The following PMP22 variants were observed in gnomAD, a reference collection of about 807,000 sequenced individuals.
PMP22 encodes Charcot-Marie-Tooth neuropathy 1A (greatly reduced nerve conduction velocity, hereditary motor sensory neuropathy Ia).
PMP22 carries 2 observed loss-of-function variants against 18.9 expected under a neutral mutation model. That is an observed-to-expected ratio of 0.11 (90% CI 0.04 to 0.33). The LOEUF (loss-of-function observed/expected upper bound fraction) is 0.33. Ranked by LOEUF, PMP22 falls within the 10% of genes least tolerant of loss-of-function variation. The pLI, the probability that PMP22 is intolerant of heterozygous loss-of-function variation, is 1.00. For synonymous variants in PMP22, 95 were observed against 89.2 expected, an observed-to-expected ratio of 1.07 and a Z score of -0.37; for missense variants, 169 against 202.2, an observed-to-expected ratio of 0.84 and a Z score of 1.00.
chr17:15,234,816 T>G (rs1382889144), intron 4 of PMP22, among the ~76,000 whole-genome samples: 1 of 151,946 alleles, frequency 6.6e-6, no homozygotes, highest in Non-Finnish European at 1.5e-5. Context: ...CAAATTCTTT[T>G]TTTTTTTTTC....
At chr17:15,233,350 C>G (rs77313591) in intron 4 of PMP22, among the ~76,000 whole-genome samples, 3,121 of 152,344 alleles carry the variant, frequency 0.02, 135 homozygotes, top group African/African-American at 0.07. Flanking sequence ...CAGAAGGACA[C>G]TGACCCTGTC....
intron 3 of PMP22, among the ~76,000 whole-genome samples, chr17:15,246,994 C>T (rs990887440): frequency 2.7e-5 from 4 of 149,464 alleles, no homozygotes; most frequent in Non-Finnish European, 5.9e-5. Flanking sequence ...CACTTGAACC[C>T]GGAAGGCGGA....
At chr17:15,232,096 T>A (rs1478218874) in intron 4 of PMP22, among the ~76,000 whole-genome samples, 1 of 151,930 alleles carries the variant, frequency 6.6e-6, no homozygotes, top group Non-Finnish European at 1.5e-5. Context: ...CGTGTGGGAT[T>A]CATGCAGTTC....
intron 3 of PMP22, among the ~76,000 whole-genome samples, chr17:15,254,722 C>A (rs1320757276): frequency 4.6e-5 from 7 of 152,120 alleles, no homozygotes; most frequent in Non-Finnish European, 1.0e-4. Context: ...CTTTGGGAGG[C>A]TGAGGCAGGT....
intron 4 of PMP22, among the ~76,000 whole-genome samples, 158 bp from the exon 5 acceptor site, chr17:15,231,238 A>C (rs2150665162): frequency 6.6e-6 from 1 of 152,344 alleles, no homozygotes. Flanking sequence ...AGGTAGCACA[A>C]AAATATGGGA....
intron 3 of PMP22, among the ~76,000 whole-genome samples, chr17:15,239,934 A>G (rs1048747983): frequency 6.6e-6 from 1 of 152,250 alleles, no homozygotes; most frequent in Non-Finnish European, 1.5e-5. Context: ...ATATGCATAC[A>G]AATATGTACG....
At position 15,259,211 on chromosome 17, in the gene PMP22, G is replaced by A. The variant is rs769908557; in HGVS notation, c.79-18C>T. ...ATCCATTGCTAGAGAGAATCAGATA[G>A]ATATCCTGAGTCAGGGAGGGAGGGA... is the stretch of plus-strand genomic sequence containing the variant. On this transcript the variant is annotated intron_variant, in intron 2 of 4. Transcript: ENST00000312280. 2.5e-6 allele frequency: 4 copies of A among 1,583,146 alleles called. No homozygotes were observed. Among genetic ancestry groups the A allele is most frequent in the Non-Finnish European group, 3.5e-6 (4 of 1,151,850 alleles).
chr17:15,256,216 A>G (rs1239669627), intron 3 of PMP22, among the ~76,000 whole-genome samples: 1 of 152,232 alleles, frequency 6.6e-6, no homozygotes, highest in Non-Finnish European at 1.5e-5. Flanking sequence ...CAAACTACAC[A>G]ACCTAGATGT....
In PMP22 at chr17:15,255,987, G is replaced by A. The variant is rs188700132; in HGVS notation, c.178+3107C>T. Among the ~76,000 whole-genome samples, 4 of 152,262 alleles carry A rather than the reference G, an allele frequency of 2.6e-5. No individual in the cohort carries two copies. In the East Asian group the frequency reaches 7.7e-4, roughly 29 times the overall value. On this transcript the variant is annotated intron_variant, in intron 3 of 4. Transcript: ENST00000312280. ...CATTCCAGATCCTTGTATTCCCTGG[G>A]CCGGAGAGGCACTGGATACAATATC... is the stretch of plus-strand genomic sequence containing the variant.
At chr17:15,231,732 G>T (rs1906371735) in intron 4 of PMP22, among the ~76,000 whole-genome samples, 2 of 152,204 alleles carry the variant, frequency 1.3e-5, no homozygotes. Flanking sequence ...ACGCTGCAGA[G>T]GGGGAAGATG....
chr17:15,231,229 G>A (rs1906321816), intron 4 of PMP22, 149 bp from the exon 5 acceptor site: 2 of 806,828 alleles, frequency 2.5e-6, no homozygotes, highest in East Asian at 2.7e-5. Flanking sequence ...ATTGAAAGGA[G>A]GTAGCACAAA....
chr17:15,255,918 C>G (rs2150702718), intron 3 of PMP22, among the ~76,000 whole-genome samples: 2 of 152,254 alleles, frequency 1.3e-5, no homozygotes, highest in East Asian at 1.9e-4. Flanking sequence ...TATCTATCTC[C>G]TGACTCTTCG....
chr17:15,257,266 A>C (rs1908917516), intron 3 of PMP22, among the ~76,000 whole-genome samples: 1 of 152,198 alleles, frequency 6.6e-6, no homozygotes, highest in African/African-American at 2.4e-5. Context: ...GAAGACACCA[A>C]ATGTCAATCT....
intron 3 of PMP22, among the ~76,000 whole-genome samples, chr17:15,244,667 G>A (rs568575971): frequency 1.1e-4 from 17 of 152,284 alleles, no homozygotes; most frequent in African/African-American, 3.6e-4. Context: ...AATGAAAAGA[G>A]TAAGGTGCAC....
At chr17:15,242,251 CAAAAAAAAAAA>C (rs59075019) in intron 3 of PMP22, among the ~76,000 whole-genome samples, 4 of 54,782 alleles carry the variant, frequency 7.3e-5, no homozygotes, top group African/African-American at 2.0e-4. Flanking sequence ...GACTCTGTCT[CAAAAAAAAAAA>C]AAAAAAAAAA....
intron 3 of PMP22, among the ~76,000 whole-genome samples, chr17:15,256,073 G>T (rs1180979744): frequency 1.3e-5 from 2 of 152,194 alleles, no homozygotes; most frequent in Non-Finnish European, 2.9e-5. Context: ...AGATAAGGAG[G>T]GGGTGCCAGA....
At position 15,259,159 on chromosome 17, in the gene PMP22, A is replaced by G. The variant is rs1234608261; in HGVS notation, c.113T>C (p.Leu38Pro). The G allele has an allele frequency of 6.2e-7, 1 of 1,613,862 alleles. No homozygotes were observed. The highest frequency in any genetic ancestry group is 8.5e-7 in the Non-Finnish European group (1 of 1,179,850). ...WIVGNGHATD[L>P]WQNCSTSSSG... ...GGAAGAGGTGCTACAGTTCTGCCAG[A>G]GATCAGTTGCGTGTCCATTGCCCAC... The change falls in exon 3 of 5, where the codon CTC (leucine) becomes CCC (proline). Residue 38 changes from leucine to proline, a missense_variant. Physicochemically the swap from Leu to Pro is moderately conservative, Grantham distance 98. Coordinates refer to ENST00000312280, the MANE Select transcript of PMP22 (RefSeq NM_000304.4).
At chr17:15,231,736 G>T (rs1331311746) in intron 4 of PMP22, among the ~76,000 whole-genome samples, 1 of 152,210 alleles carries the variant, frequency 6.6e-6, no homozygotes, top group Non-Finnish European at 1.5e-5. Flanking sequence ...TGCAGAGGGG[G>T]AAGATGATCA....
intron 2 of PMP22, 174 bp downstream of exon 2, chr17:15,260,476 G>A: frequency 1.5e-6 from 1 of 678,642 alleles, no homozygotes; most frequent in Non-Finnish European, 2.7e-6. Context: ...CACTGAATCT[G>A]CTCTCGTTTT....
Sources: gnomAD v4.1 joint callset for allele counts (sites outside exome capture counted in the v4.1 genomes callset) on GRCh38, gnomAD v4.1.1 for gene constraint, MANE v1.5 for transcripts, NCBI Gene and HGNC (gene_info 2026-07-23, HGNC 2026-07-21) for gene names.